PTPRU: variants seen among roughly 807,000 people sequenced by gnomAD.
The protein encoded by PTPRU is receptor-type tyrosine-protein phosphatase U.
PTPRU carries 69 observed loss-of-function variants against 166.3 expected under a neutral mutation model. The ratio of observed to expected loss-of-function variants is 0.41; its 90% CI spans 0.34 to 0.51. The LOEUF (loss-of-function observed/expected upper bound fraction) is 0.51. Among genes scored for constraint, PTPRU ranks in the 20% least tolerant of loss-of-function variants. The pLI, the probability that PTPRU is intolerant of heterozygous loss-of-function variation, is 0.09. For missense variants in PTPRU, 1,657 were observed against 2,013.7 expected (o/e 0.82, Z 3.39); for synonymous variants, 793 against 814.0 (o/e 0.97, Z 0.44).
rs560180551 is a variant in PTPRU at position 29,317,706 on chromosome 1, G to A, written c.3514-42G>A. The A allele has an allele frequency of 9.6e-6, 15 of 1,557,978 alleles. No homozygotes were observed. The South Asian group carries it at 1.4e-4, about 15-fold the overall frequency. On this transcript the variant is annotated intron_variant, in intron 24 of 29. Coordinates refer to ENST00000373779, the MANE Select transcript of PTPRU (RefSeq NM_133178.4). The surrounding 1 kb of genome is among the most constrained non-coding windows in gnomAD (Gnocchi z 5.6). ...ATGGGGATGTGAGGAGGCCCAGCAA[G>A]CCCTGGACGTAACTCTCTGTCCCCA...
chr1:29,240,242 G>A (rs1159471671), intron 1 of PTPRU, among the ~76,000 whole-genome samples: 1 of 152,120 alleles, frequency 6.6e-6, no homozygotes, highest in African/African-American at 2.4e-5. Context: ...GGGGGTGGGG[G>A]TCAATTGGAT....
chr1:29,249,093 C>A (rs1032425), intron 1 of PTPRU, among the ~76,000 whole-genome samples: 25,697 of 152,202 alleles, frequency 0.17, 2,371 homozygotes, highest in African/African-American at 0.21. Context: ...CTTCCGCCTC[C>A]CATTTGAATA....
At chr1:29,248,389 G>T (rs763721773) in intron 1 of PTPRU, among the ~76,000 whole-genome samples, 1 of 152,058 alleles carries the variant, frequency 6.6e-6, no homozygotes, top group Non-Finnish European at 1.5e-5. Context: ...GAGAATAGGG[G>T]TACAACCTTG....
Position 29,275,434 on chromosome 1 carries a change from C to G in PTPRU, c.1145-14C>G, listed in dbSNP as rs1487769828. 2.5e-6 allele frequency: 4 copies of G among 1,597,704 alleles called. No individual in the cohort carries two copies. In the African/African-American group the frequency reaches 5.4e-5, roughly 21 times the overall value. ...TTCTTCTAACTTCTTCTCTCTGCTT[C>G]CTGCATTCTCCAGAGCCCATGAGGG... On this transcript the variant is annotated splice_polypyrimidine_tract_variant and intron_variant, in intron 7 of 29. Transcript: ENST00000373779.
At chr1:29,301,908 T>C (rs774143233) in intron 15 of PTPRU, among the ~76,000 whole-genome samples, 1 of 152,252 alleles carries the variant, frequency 6.6e-6, no homozygotes, top group Non-Finnish European at 1.5e-5. Flanking sequence ...ACAAAGGACA[T>C]GGACTCATCC....
Position 29,260,129 on chromosome 1 carries a change from T to TGGGCGGGGGGGGGG in PTPRU, c.850+87_850+88insGCGGGGGGGGGGGG. The TGGGCGGGGGGGGGG allele has an allele frequency of 2.2e-6, 1 of 446,516 alleles. No individual in the cohort carries two copies. Among genetic ancestry groups the TGGGCGGGGGGGGGG allele is most frequent in the Non-Finnish European group, 3.1e-6 (1 of 319,956 alleles). The allele number at this position is 446,516 out of a possible 1,614,324, so 27.7% of individuals were successfully genotyped here. A position where few individuals can be genotyped will look rare whatever the true frequency, so the allele number is the denominator to read the frequency against. On this transcript the variant is annotated intron_variant, in intron 6 of 29. Coordinates refer to ENST00000373779, the MANE Select transcript of PTPRU (RefSeq NM_133178.4). The surrounding 1 kb of genome is among the most constrained non-coding windows in gnomAD (Gnocchi z 8.3). ...CGGGGGCGGGCTCTGCCCGGGGGCG[T>TGGGCGGGGGGGGGG]GGCCGTGGGGGGTGGGGCCGGCAGG...
rs566608317 is a variant in PTPRU at position 29,315,367 on chromosome 1, T to G, written c.3228-5T>G. On this transcript the variant is annotated splice_polypyrimidine_tract_variant and splice_region_variant and intron_variant, in intron 22 of 29. Transcript: ENST00000373779. The surrounding 1 kb of genome is among the most constrained non-coding windows in gnomAD (Gnocchi z 4.5). ...TGACCTGGTCTGGGGCTGCTCTCTC[T>G]CCAGCGCGGGCACCGGCCGCACAGG... is the stretch of plus-strand genomic sequence containing the variant. 1 of 1,614,042 alleles carries G rather than the reference T, an allele frequency of 6.2e-7. No homozygotes were observed. Among genetic ancestry groups the G allele is most frequent in the East Asian group, 2.2e-5 (1 of 44,882 alleles).
intron 7 of PTPRU, among the ~76,000 whole-genome samples, chr1:29,267,797 T>G (rs1230694013): frequency 2.0e-5 from 3 of 152,168 alleles, no homozygotes; most frequent in Non-Finnish European, 4.4e-5. Flanking sequence ...ACTCTGGCCC[T>G]TTTGTGGAGA....
At position 29,291,773 on chromosome 1, in the gene PTPRU, C is replaced by T; in HGVS notation, c.2319-96C>T. On this transcript the variant is annotated intron_variant, in intron 14 of 29. Coordinates refer to ENST00000373779, the MANE Select transcript of PTPRU (RefSeq NM_133178.4). This position sits in a 1 kb window ranked among gnomAD's most constrained non-coding sequence, Gnocchi z 4.1. ...TTCTAGGACAGCTGCTGGCTCCTGG[C>T]CTTGAGGTCCCCTTACTCCAGGGCC... 4.5e-6 allele frequency: 6 copies of T among 1,332,660 alleles called. No individual in the cohort carries two copies. The highest frequency in any genetic ancestry group is 6.2e-6 in the Non-Finnish European group (6 of 963,572). 82.6% of individuals were successfully genotyped at this position (1,332,660 alleles called of 1,614,324 possible). A position where few individuals can be genotyped will look rare whatever the true frequency, so the allele number is the denominator to read the frequency against.
intron 1 of PTPRU, among the ~76,000 whole-genome samples, chr1:29,244,573 C>T (rs143360706): frequency 9.2e-5 from 14 of 152,120 alleles, no homozygotes; most frequent in African/African-American, 3.4e-4. Flanking sequence ...GGACTTGTGG[C>T]TGGGCATGCC....
At chr1:29,293,209 C>T (rs949702978) in intron 15 of PTPRU, among the ~76,000 whole-genome samples, 1 of 152,162 alleles carries the variant, frequency 6.6e-6, no homozygotes, top group Non-Finnish European at 1.5e-5. Flanking sequence ...AACTCCTGAC[C>T]TTAGGTGATC....
At chr1:29,282,985 G>A (rs1299273162) in intron 12 of PTPRU, 36 bp downstream of exon 12, 2 of 1,584,182 alleles carry the variant, frequency 1.3e-6, no homozygotes, top group Non-Finnish European at 1.7e-6. Context: ...GGGCGTGGTT[G>A]GGTGTGGGGG....
In PTPRU at chr1:29,315,564, T is replaced by G. The variant is rs1687864928; in HGVS notation, c.3363+57T>G. 2.5e-6 allele frequency: 4 copies of G among 1,606,504 alleles called. No individual in the cohort carries two copies. The highest frequency in any genetic ancestry group is 3.4e-6 in the Non-Finnish European group (4 of 1,174,914). On this transcript the variant is annotated intron_variant, in intron 23 of 29. Coordinates refer to ENST00000373779, the MANE Select transcript of PTPRU (RefSeq NM_133178.4). The surrounding 1 kb of genome is among the most constrained non-coding windows in gnomAD (Gnocchi z 4.5). ...TTACTTCTAGGACTGGAGTTTCTCG[T>G]GAAGGATCCTGGAGCCGGCAGAGCA...
In PTPRU at chr1:29,260,878, C is replaced by A; in HGVS notation, c.1119C>A (p.Pro373=). The change falls in exon 7 of 30, where the codon CCC becomes CCA. Residue 373 remains proline, a synonymous_variant. Transcript: ENST00000373779. The surrounding 1 kb of genome is among the most constrained non-coding windows in gnomAD (Gnocchi z 8.3). ...GCGGCACTGGCCGCCCTGGGCCACC[C>A]CTCATCAGCCGCACCAAATGCGCAG... ...GDGGTGRPGP[P]LISRTKCAEP... 2 of 1,586,446 alleles carry A rather than the reference C, an allele frequency of 1.3e-6. No homozygotes were observed. The highest frequency in any genetic ancestry group is 1.1e-5 in the South Asian group (1 of 88,152).
chr1:29,238,518 C>G lies in PTPRU; in HGVS notation c.73+1801C>G, dbSNP rs1294763959. On this transcript the variant is annotated intron_variant, in intron 1 of 29. Coordinates refer to ENST00000373779, the MANE Select transcript of PTPRU (RefSeq NM_133178.4). The surrounding 1 kb of genome is among the most constrained non-coding windows in gnomAD (Gnocchi z 6.1). The stretch of plus-strand genomic sequence containing the variant: ...CCTCCCCGGCATCGCGTTCGCGGCC[C>G]TGCTGCTGGCTCCGGTGTCTCGGGC... Among the ~76,000 whole-genome samples, 1 of 152,208 alleles carries G rather than the reference C, an allele frequency of 6.6e-6. No homozygotes were observed. Among genetic ancestry groups the G allele is most frequent in the Non-Finnish European group, 1.5e-5 (1 of 68,032 alleles).
intron 15 of PTPRU, 79 bp downstream of exon 15, chr1:29,292,105 G>T: frequency 6.5e-7 from 1 of 1,534,850 alleles, no homozygotes. Flanking sequence ...CACATCAGGT[G>T]AGTTCTGTAA....
At chr1:29,323,076 G>A (rs946767442) in intron 26 of PTPRU, 5 of 343,450 alleles carry the variant, frequency 1.5e-5, no homozygotes, top group Admixed American at 7.8e-5. Flanking sequence ...CGTGTGAACC[G>A]GTTAAGGTGT....
chr1:29,260,754 C>T lies in PTPRU; in HGVS notation c.995C>T (p.Ala332Val), dbSNP rs751172417. The T allele has an allele frequency of 4.5e-5, 73 of 1,612,512 alleles. No individual in the cohort carries two copies. In the Middle Eastern group the frequency reaches 1.2e-3, roughly 25 times the overall value. The change falls in exon 7 of 30, where the codon GCT (alanine) becomes GTT (valine). Residue 332 changes from alanine to valine, a missense_variant. Transcript: ENST00000373779. The surrounding 1 kb of genome is among the most constrained non-coding windows in gnomAD (Gnocchi z 8.3). ...IEYRMARGPW[A>V]EVHAVSLQTY... ...TACCGCATGGCGCGCGGGCCCTGGG[C>T]TGAGGTGCACGCCGTCAGCCTGCAG...
intron 1 of PTPRU, among the ~76,000 whole-genome samples, chr1:29,239,299 T>G (rs1683931107): frequency 6.6e-6 from 1 of 152,218 alleles, no homozygotes; most frequent in Admixed American, 6.5e-5. Flanking sequence ...CTTCTCAGCC[T>G]TGCAAACCTG....
Sources: allele counts gnomAD v4.1 joint callset (sites outside exome capture counted in the v4.1 genomes callset), GRCh38; gene constraint gnomAD v4.1.1; non-coding constraint Gnocchi (gnomAD v3.1); transcripts MANE v1.5; gene names NCBI Gene and HGNC (gene_info 2026-07-23, HGNC 2026-07-21).